Variants in GNL3L observed in about 807,000 individuals in gnomAD.
The protein encoded by GNL3L is G protein nucleolar 3 like.
Under a neutral mutation model 42.9 loss-of-function variants are expected in GNL3L, and 4 were observed. That is an observed-to-expected ratio of 0.09 (90% CI 0.05 to 0.21). The LOEUF (loss-of-function observed/expected upper bound fraction) is 0.21, where lower values mean the gene tolerates loss of function less well. Among genes scored for constraint, GNL3L ranks in the 10% least tolerant of loss-of-function variants. The pLI is 1.00. For synonymous variants in GNL3L, 159 were observed against 176.3 expected, an observed-to-expected ratio of 0.90 and a Z score of 0.78; for missense variants, 412 against 481.7, an observed-to-expected ratio of 0.86 and a Z score of 1.36.
chrX:54,605,617 T>C (rs1186467746), intron 16 of GNL3L, among the ~76,000 whole-genome samples: 1 of 111,947 alleles, frequency 8.9e-6, no homozygotes, highest in African/African-American at 3.2e-5. Flanking sequence ...CTAACATTTT[T>C]TAGGTGAACC....
At chrX:54,542,547 G>A (rs1456164262) in intron 5 of GNL3L, among the ~76,000 whole-genome samples, 10 of 110,953 alleles carry the variant, frequency 9.0e-5, no homozygotes, top group African/African-American at 1.3e-4. Context: ...GAATAGTGCC[G>A]CAATAAACAT....
intron 16 of GNL3L, among the ~76,000 whole-genome samples, chrX:54,606,642 ATT>A (rs61119934): frequency 4.1e-5 from 4 of 98,295 alleles, no homozygotes; most frequent in Non-Finnish European, 4.1e-5. Flanking sequence ...TGCCAGGCCA[ATT>A]TTTTTTTTTT....
intron 16 of GNL3L, among the ~76,000 whole-genome samples, chrX:54,572,638 AC>A (rs1362626519): frequency 1.1e-5 from 1 of 92,067 alleles, no homozygotes; most frequent in African/African-American, 4.3e-5. Flanking sequence ...CGGGGGGCTG[AC>A]CCCCCCACCT....
At position 54,559,401 on chromosome X, in the gene GNL3L, C is replaced by G. The variant is rs1328986655; in HGVS notation, c.1666+746C>G. Among the ~76,000 whole-genome samples, 5 of 111,858 alleles carry G rather than the reference C, an allele frequency of 4.5e-5. No homozygotes were observed. The Admixed American group carries it at 4.8e-4, about 11-fold the overall frequency. ...AAATCTCTCCCACCCGCTAGTCATC[C>G]AGACCGCCCCCTCGTCAGCCAGTTA... On this transcript the variant is annotated intron_variant, in intron 15 of 15. Coordinates refer to ENST00000360845, the MANE Select transcript of GNL3L (RefSeq NM_001184819.2).
intron 2 of GNL3L, 81 bp downstream of exon 2, chrX:54,532,666 T>C: frequency 2.4e-6 from 2 of 849,086 alleles, no homozygotes; most frequent in Non-Finnish European, 3.5e-6. Flanking sequence ...TTTGTTTTTT[T>C]GGTTTTTGTT....
chrX:54,628,212 G>GGT, the GNL3L span, among the ~76,000 whole-genome samples: 5,393 of 95,671 alleles, frequency 0.056, 138 homozygotes, highest in East Asian at 0.072. Context: ...AGTATTCCGT[G>GGT]GTGTGTGTGT....
chrX:54,545,115 C>T (rs1405766806), intron 8 of GNL3L, among the ~76,000 whole-genome samples: 6 of 112,005 alleles, frequency 5.4e-5, no homozygotes, highest in Middle Eastern at 4.2e-3. Flanking sequence ...GGGGTTTCGC[C>T]GTGTTGGCCG....
chrX:54,564,649 T>C lies in GNL3L; in HGVS notation c.*4047T>C, dbSNP rs770106613. ...TCTCGAACTCCTGACCTCATGATCC[T>C]CCTGCCTCAGCCTCCCAAAGTGCTG... On this transcript the variant is annotated 3_prime_UTR_variant, in exon 16 of 16. Transcript: ENST00000360845. Among the ~76,000 whole-genome samples the C allele has an allele frequency of 7.6e-4, 81 of 106,505 alleles. No homozygotes were observed. Among genetic ancestry groups the C allele is most frequent in the African/African-American group, 2.8e-3 (81 of 29,235 alleles). 92.5% of individuals were successfully genotyped at this position (106,505 alleles called of 115,157 possible). A position where few individuals can be genotyped will look rare whatever the true frequency, so the allele number is the denominator to read the frequency against.
At chrX:54,603,897 C>T (rs1426643914) in intron 16 of GNL3L, among the ~76,000 whole-genome samples, 2 of 111,262 alleles carry the variant, frequency 1.8e-5, no homozygotes, top group East Asian at 5.6e-4. Context: ...TATCTGTAAT[C>T]CTAGCACTTT....
chrX:54,574,040 G>T (rs936696274), intron 16 of GNL3L, among the ~76,000 whole-genome samples: 4 of 111,359 alleles, frequency 3.6e-5, no homozygotes, highest in Non-Finnish European at 7.5e-5. Context: ...TGTTAAGCAG[G>T]TTCAGGGCAT....
At chrX:54,604,615 T>C (rs1206114669) in intron 16 of GNL3L, among the ~76,000 whole-genome samples, 1 of 111,564 alleles carries the variant, frequency 9.0e-6, no homozygotes, top group Non-Finnish European at 1.9e-5. Flanking sequence ...CCCCTGGGAT[T>C]ATGAAGGTAG....
chrX:54,642,163 C>T, the GNL3L span, among the ~76,000 whole-genome samples: 4 of 111,662 alleles, frequency 3.6e-5, no homozygotes, highest in Non-Finnish European at 5.6e-5. Context: ...ATTTGCACTT[C>T]GGCCCTCTGA....
chrX:54,595,066 A>C (rs1925916496), intron 16 of GNL3L, among the ~76,000 whole-genome samples: 1 of 112,051 alleles, frequency 8.9e-6, no homozygotes, highest in Non-Finnish European at 1.9e-5. Flanking sequence ...CCACAGTTAC[A>C]ATGTTATAAT....
At chrX:54,606,875 A>C (rs1478922447) in intron 16 of GNL3L, among the ~76,000 whole-genome samples, 1 of 109,572 alleles carries the variant, frequency 9.1e-6, no homozygotes, top group Non-Finnish European at 1.9e-5. Flanking sequence ...TCCTGGCCTT[A>C]AGTGATCCTC....
chrX:54,624,421 C>CT (rs148616192), downstream of GNL3L, among the ~76,000 whole-genome samples: 13,388 of 95,141 alleles, frequency 0.14, 1,728 homozygotes, highest in African/African-American at 0.39. Flanking sequence ...GGAATGATTT[C>CT]TTTTTTTTTT....
chrX:54,591,534 A>G (rs1264156599), intron 16 of GNL3L, among the ~76,000 whole-genome samples: 1 of 107,559 alleles, frequency 9.3e-6, no homozygotes, highest in African/African-American at 3.4e-5. Context: ...TGGAGGTTGC[A>G]GTGAGCCCAG....
At chrX:54,531,141 CT>C (rs1326328983) in intron 1 of GNL3L, among the ~76,000 whole-genome samples, 1 of 111,954 alleles carries the variant, frequency 8.9e-6, no homozygotes, top group African/African-American at 3.2e-5. Context: ...AGGAACAGAC[CT>C]TAATCCATGA....
At chrX:54,558,230 C>G (rs1055961989) in intron 14 of GNL3L, among the ~76,000 whole-genome samples, 1 of 110,525 alleles carries the variant, frequency 9.0e-6, no homozygotes, top group East Asian at 2.8e-4. Context: ...ACCCCTTATC[C>G]ACCCCCCATT....
At chrX:54,541,022 G>A (rs141323565) in intron 4 of GNL3L, among the ~76,000 whole-genome samples, 1,229 of 111,688 alleles carry the variant, frequency 0.011, 16 homozygotes, top group African/African-American at 0.039. Flanking sequence ...CTGGTCTTAA[G>A]TGGTTCCGCC....
Sources: allele counts gnomAD v4.1 joint callset (sites outside exome capture counted in the v4.1 genomes callset), GRCh38; gene constraint gnomAD v4.1.1; transcripts MANE v1.5; gene names NCBI Gene and HGNC (gene_info 2026-07-23, HGNC 2026-07-21).